The following DISP1 variants were observed in gnomAD, a reference collection of about 807,000 sequenced individuals.
DISP1 encodes the protein dispatched RND transporter family member 1.
DISP1 carries 30 observed loss-of-function variants against 37.3 expected under a neutral mutation model. The observed-to-expected ratio is 0.80, with a 90% CI of 0.60 to 1.09. DISP1 has a LOEUF of 1.09. DISP1 is among the 50% of genes least tolerant of loss of function. DISP1 has a pLI of 0.00. For missense variants in DISP1, 1,598 were observed against 1,879.5 expected (o/e 0.85, Z 2.77); for synonymous variants, 634 against 690.2 (o/e 0.92, Z 1.28).
chr1:222,970,860 C>T (rs368607255), intron 3 of DISP1, among the ~76,000 whole-genome samples: 17 of 152,060 alleles, frequency 1.1e-4, no homozygotes, highest in African/African-American at 3.4e-4. Flanking sequence ...GAATCTACAC[C>T]GTGACAAATT....
chr1:222,832,716 G>A (rs142623586), intron 1 of DISP1, among the ~76,000 whole-genome samples: 1,863 of 152,196 alleles, frequency 0.012, 58 homozygotes, highest in Admixed American at 0.062. Context: ...CCAACATGGC[G>A]AAGCCCTGTC....
Position 222,966,115 on chromosome 1 carries a change from A to G in DISP1, c.510-16965A>G, listed in dbSNP as rs556453154. Among the ~76,000 whole-genome samples, 5 of 152,328 alleles carry G rather than the reference A, an allele frequency of 3.3e-5. No homozygotes were observed. In the South Asian group the frequency reaches 1.0e-3, roughly 32 times the overall value. ...GAGTTAATTTTTACACTGTAGTTTT[A>G]CACTGTAAATCAGTGTAATTTTTTA... is the stretch of plus-strand genomic sequence containing the variant. On this transcript the variant is annotated intron_variant, in intron 3 of 8. Coordinates refer to ENST00000675850, the MANE Select transcript of DISP1 (RefSeq NM_001377229.1).
chr1:222,964,029 G>C lies in DISP1; in HGVS notation c.510-19051G>C, dbSNP rs570166474. Among the ~76,000 whole-genome samples the C allele has an allele frequency of 3.8e-3, 574 of 151,970 alleles. 6 individuals carry two copies. Among genetic ancestry groups the C allele is most frequent in the Middle Eastern group, 6.8e-3 (2 of 294 alleles). ...ATCTTGATCCTTAATTAAAAAAAAA[G>C]AAAAGCCAGGCATATAATCCCAGGA... On this transcript the variant is annotated intron_variant, in intron 3 of 8. Transcript: ENST00000675850.
At chr1:222,938,174 C>T (rs1384510574) in intron 2 of DISP1, among the ~76,000 whole-genome samples, 1 of 152,072 alleles carries the variant, frequency 6.6e-6, no homozygotes. Context: ...TGCCCAGTCT[C>T]AACATAGCTG....
intron 8 of DISP1, among the ~76,000 whole-genome samples, chr1:223,000,340 G>A (rs1005806448): frequency 2.0e-5 from 3 of 152,112 alleles, no homozygotes; most frequent in African/African-American, 7.2e-5. Flanking sequence ...TGCCATTCCA[G>A]GGTTTCCTGT....
At chr1:222,892,655 C>T (rs1460716797) in intron 1 of DISP1, among the ~76,000 whole-genome samples, 3 of 152,090 alleles carry the variant, frequency 2.0e-5, no homozygotes, top group Non-Finnish European at 2.9e-5. Context: ...ATACTTTTGA[C>T]AGAATAAATG....
intron 3 of DISP1, among the ~76,000 whole-genome samples, chr1:222,969,574 T>C (rs1395574392): frequency 6.6e-6 from 1 of 151,862 alleles, no homozygotes; most frequent in Non-Finnish European, 1.5e-5. Flanking sequence ...ATGGTTACAA[T>C]TGTGTGATAT....
chr1:222,938,761 A>G (rs1034370770), intron 2 of DISP1, among the ~76,000 whole-genome samples: 1 of 75,004 alleles, frequency 1.3e-5, no homozygotes, highest in Middle Eastern at 6.4e-3. Context: ...AAAAAAAAAA[A>G]AGGAAGGAAG....
chr1:222,965,763 T>C (rs906811193), intron 3 of DISP1, among the ~76,000 whole-genome samples: 3 of 152,194 alleles, frequency 2.0e-5, no homozygotes, highest in Non-Finnish European at 4.4e-5. Flanking sequence ...CTATTTCCTG[T>C]CTATATTTAT....
At chr1:222,918,599 C>T (rs1299447325) in intron 1 of DISP1, among the ~76,000 whole-genome samples, 4 of 152,160 alleles carry the variant, frequency 2.6e-5, no homozygotes, top group Non-Finnish European at 1.5e-5. Context: ...CCCATAGTAT[C>T]TAGTAGACCC....
At chr1:222,830,483 C>T (rs1447226972) in intron 1 of DISP1, among the ~76,000 whole-genome samples, 1 of 152,002 alleles carries the variant, frequency 6.6e-6, no homozygotes, top group Non-Finnish European at 1.5e-5. Context: ...CAGGTTCAAG[C>T]GATTCTCCTT....
intron 1 of DISP1, among the ~76,000 whole-genome samples, chr1:222,861,820 T>C (rs1315020064): frequency 6.6e-6 from 1 of 152,220 alleles, no homozygotes; most frequent in Non-Finnish European, 1.5e-5. Flanking sequence ...TAACAACTCA[T>C]TTTTTAAAGC....
intron 1 of DISP1, among the ~76,000 whole-genome samples, chr1:222,847,267 A>G (rs1667965790): frequency 6.6e-6 from 1 of 152,228 alleles, no homozygotes. Flanking sequence ...TCATAATAAG[A>G]TATTCTAGGC....
intron 1 of DISP1, among the ~76,000 whole-genome samples, chr1:222,907,568 AAGTCAGGTACCAAATAAAAGC>A (rs1380827340): frequency 1.3e-5 from 2 of 152,198 alleles, no homozygotes; most frequent in African/African-American, 4.8e-5. Flanking sequence ...TGGAGGAGGA[AAGTCAGGTACCAAATAAAAGC>A]AGTGAGATTA....
rs754924762 is a variant in DISP1, at chr1:223,004,481, C to T, written c.3084C>T (p.Val1028=). 6.2e-6 allele frequency: 10 copies of T among 1,614,130 alleles called. No individual in the cohort carries two copies. The highest frequency in any genetic ancestry group is 7.6e-6 in the Non-Finnish European group (9 of 1,180,062). Reference sequence around the variant, plus strand: ...TATTTGTCACTGTTGGTTCTCTTGTCCTGCTGGGCTGGGAGCTCAATGTGT... The same window carrying T: ...TATTTGTCACTGTTGGTTCTCTTGTTCTGCTGGGCTGGGAGCTCAATGTGT... ...GTIFVTVGSL[V]LLGWELNVLE... The change falls in exon 9 of 9, where the codon GTC becomes GTT. Residue 1028 remains valine, a synonymous_variant. Transcript: ENST00000675850. This position sits in a 1 kb window ranked among gnomAD's most constrained non-coding sequence, Gnocchi z 4.9.
At chr1:223,001,476 C>A (rs987277980) in intron 8 of DISP1, among the ~76,000 whole-genome samples, 1 of 152,178 alleles carries the variant, frequency 6.6e-6, no homozygotes, top group African/African-American at 2.4e-5. Flanking sequence ...TTCTTGACAT[C>A]AGCACTTTTG....
chr1:222,904,680 A>C (rs924806814), intron 1 of DISP1, among the ~76,000 whole-genome samples: 14 of 151,376 alleles, frequency 9.2e-5, no homozygotes, highest in African/African-American at 3.4e-4. Flanking sequence ...CAATTCTTCT[A>C]CCTCAGTCTC....
chr1:222,998,540 A>G lies in DISP1; in HGVS notation c.987+3558A>G, dbSNP rs116889116. Among the ~76,000 whole-genome samples the G allele has an allele frequency of 1.9e-3, 287 of 152,216 alleles. 8 individuals are homozygous for G. In the East Asian group the frequency reaches 0.044, roughly 24 times the overall value. On this transcript the variant is annotated intron_variant, in intron 8 of 8. Transcript: ENST00000675850. ...ACTTCTGTTTCTGATCCTGTTGTCT[A>G]CCTCTTAACAGAAATGCTTGTTTCC...
intron 2 of DISP1, among the ~76,000 whole-genome samples, chr1:222,936,657 CATATATATGAG>C: frequency 2.7e-5 from 1 of 37,436 alleles, no homozygotes; most frequent in South Asian, 1.2e-3. Flanking sequence ...ATATATCTCT[CATATATATGAG>C]GTATATATAA....
Sources: gnomAD v4.1 joint callset for allele counts (sites outside exome capture counted in the v4.1 genomes callset) on GRCh38, gnomAD v4.1.1 for gene constraint, Gnocchi (gnomAD v3.1) non-coding constraint, MANE v1.5 for transcripts, NCBI Gene and HGNC (gene_info 2026-07-23, HGNC 2026-07-21) for gene names.